PNMA6E: variants seen among roughly 807,000 people sequenced by gnomAD.
The protein encoded by PNMA6E is paraneoplastic antigen Ma6E.
For synonymous variants in PNMA6E, 43 were observed against 17.1 expected, an observed-to-expected ratio of 2.52 and a Z score of -3.74; for missense variants, 78 against 50.8, an observed-to-expected ratio of 1.53 and a Z score of -1.63.
chrX:153,401,153 C>G (rs1274701249), intron 1 of PNMA6E, 91 bp downstream of exon 1: 7 of 107,577 alleles, frequency 6.5e-5, no homozygotes, highest in African/African-American at 1.0e-4. Context: ...CTGCCCCCCC[C>G]CCACACCCCG....
upstream of PNMA6E, among the ~76,000 whole-genome samples, chrX:153,404,739 TC>T (rs1423745570): frequency 8.9e-6 from 1 of 111,906 alleles, no homozygotes; most frequent in Non-Finnish European, 1.9e-5. Context: ...ACGGGGCTCC[TC>T]CACATGGTGC....
In PNMA6E at chrX:153,396,009, AG is replaced by A. The variant is rs1204504869; in HGVS notation, c.*896del. On this transcript the variant is annotated 3_prime_UTR_variant, in exon 2 of 2. Transcript: ENST00000445091. Reference sequence around the variant, plus strand: ...AAGAAACTGAGTCACAAGTAACAACAGGGGTGAAACGCCAAAGCATAGTTCT... The same window carrying A: ...AAGAAACTGAGTCACAAGTAACAACAGGGTGAAACGCCAAAGCATAGTTCT... 8.7e-6 allele frequency: 1 copy of A among 114,307 alleles called. No individual in the cohort carries two copies. Among genetic ancestry groups the A allele is most frequent in the African/African-American group, 3.2e-5 (1 of 30,985 alleles). 9.4% of individuals were successfully genotyped at this position (114,307 alleles called of 1,213,427 possible).
the PNMA6E span, among the ~76,000 whole-genome samples, chrX:153,413,369 C>T: frequency 9.4e-6 from 1 of 106,168 alleles, no homozygotes; most frequent in South Asian, 4.3e-4. Flanking sequence ...GCCCTGCTCT[C>T]ATCCCCTTCC....
chrX:153,412,864 C>T, the PNMA6E span, among the ~76,000 whole-genome samples: 29 of 112,224 alleles, frequency 2.6e-4, no homozygotes, highest in Non-Finnish European at 5.1e-4. Flanking sequence ...GATCCCTCAG[C>T]GAGCAGCCTG....
At chrX:153,405,150 G>A (rs1208144719), upstream of PNMA6E, among the ~76,000 whole-genome samples, 1 of 112,373 alleles carries the variant, frequency 8.9e-6, no homozygotes, top group Non-Finnish European at 1.9e-5. Context: ...CGCCTTGTGA[G>A]TGACCCTAAG....
At chrX:153,408,273 G>A in the PNMA6E span, among the ~76,000 whole-genome samples, 1 of 112,753 alleles carries the variant, frequency 8.9e-6, no homozygotes, top group Admixed American at 9.3e-5. Context: ...CACTCAGGCA[G>A]TGGACGGCCA....
intron 1 of PNMA6E, 119 bp from the exon 2 acceptor site, chrX:153,399,039 C>T (rs782351127): frequency 1.0e-5 from 3 of 286,711 alleles, no homozygotes; most frequent in Non-Finnish European, 1.8e-5. Context: ...CTTGTTTTGT[C>T]GCTTTGATTT....
the PNMA6E span, among the ~76,000 whole-genome samples, chrX:153,413,939 T>G: frequency 4.4e-5 from 5 of 112,400 alleles, no homozygotes; most frequent in Non-Finnish European, 7.5e-5. Context: ...AGTGCGGGTC[T>G]CCGTCTCTGG....
rs782134101 is a variant in PNMA6E at position 153,397,185 on chromosome X, G to A, written c.1665C>T (p.Ala555=). 102 of 297,054 alleles carry A rather than the reference G, an allele frequency of 3.4e-4. No individual in the cohort carries two copies. In the South Asian group the frequency reaches 9.6e-3, roughly 28 times the overall value. 24.5% of individuals were successfully genotyped at this position (297,054 alleles called of 1,213,427 possible). The change falls in exon 2 of 2, where the codon GCC becomes GCT. Residue 555 remains alanine, a synonymous_variant. Transcript: ENST00000445091. ...ATKEAARGAP[A]AGEGESAPAG... ...CAGGGGCACTTTCACCTTCCCCAGC[G>A]GCAGGGGCTCCCCTTGCAGCCTCTT...
upstream of PNMA6E, among the ~76,000 whole-genome samples, chrX:153,403,077 C>T (rs782587272): frequency 1.8e-5 from 2 of 112,377 alleles, no homozygotes; most frequent in Non-Finnish European, 3.8e-5. Context: ...TTATGTCTAT[C>T]TCCAAATTTT....
At chrX:153,399,610 A>C (rs1556970953) in intron 1 of PNMA6E, among the ~76,000 whole-genome samples, 1 of 111,585 alleles carries the variant, frequency 9.0e-6, no homozygotes, top group Non-Finnish European at 1.9e-5. Context: ...AGCCTCTCAA[A>C]GTGCTGGGAT....
upstream of PNMA6E, among the ~76,000 whole-genome samples, chrX:153,403,030 C>G (rs1322779471): frequency 8.9e-6 from 1 of 112,467 alleles, no homozygotes; most frequent in Non-Finnish European, 1.9e-5. Context: ...TTGTATTTAT[C>G]TTCCTTGGAA....
the PNMA6E span, among the ~76,000 whole-genome samples, chrX:153,410,589 T>A: frequency 1.8e-5 from 2 of 112,573 alleles, no homozygotes; most frequent in African/African-American, 6.4e-5. Flanking sequence ...CCTTCCCCTA[T>A]GCCCCAGATG....
chrX:153,399,313 G>C (rs912345574), intron 1 of PNMA6E, among the ~76,000 whole-genome samples: 10 of 63,132 alleles, frequency 1.6e-4, no homozygotes, highest in Non-Finnish European at 2.3e-4. Flanking sequence ...TGTGTGTTGT[G>C]TGTGTGTGTG....
At chrX:153,400,245 C>T (rs1276344612) in intron 1 of PNMA6E, among the ~76,000 whole-genome samples, 6 of 112,477 alleles carry the variant, frequency 5.3e-5, no homozygotes, top group African/African-American at 1.6e-4. Context: ...CCAATTCCAC[C>T]TGTAGGGGGC....
chrX:153,407,913 G>A, the PNMA6E span, among the ~76,000 whole-genome samples: 1 of 112,865 alleles, frequency 8.9e-6, no homozygotes, highest in Non-Finnish European at 1.9e-5. Flanking sequence ...GAACAAGGAA[G>A]CACGTGATCC....
At position 153,396,009 on chromosome X, in the gene PNMA6E, A is replaced by AG; in HGVS notation, c.*896dup. ...AAGAAACTGAGTCACAAGTAACAAC[A>AG]GGGGTGAAACGCCAAAGCATAGTTC... On this transcript the variant is annotated 3_prime_UTR_variant, in exon 2 of 2. Coordinates refer to ENST00000445091, the MANE Select transcript of PNMA6E (RefSeq NM_001367770.1). The AG allele has an allele frequency of 8.7e-6, 1 of 114,359 alleles. No individual in the cohort carries two copies. Among genetic ancestry groups the AG allele is most frequent in the East Asian group, 2.8e-4 (1 of 3,583 alleles). The allele number at this position is 114,359 out of a possible 1,213,427, so 9.4% of individuals were successfully genotyped here. A position where few individuals can be genotyped will look rare whatever the true frequency, so the allele number is the denominator to read the frequency against.
rs187347860 is a variant in PNMA6E at position 153,396,534 on chromosome X, G to C, written c.*372C>G. ...CCAGGCAGCTGGCAACCTTGAGAGG[G>C]CCTCTTTCCCCCTGTCTCTCCCAAC... On this transcript the variant is annotated 3_prime_UTR_variant, in exon 2 of 2. Coordinates refer to ENST00000445091, the MANE Select transcript of PNMA6E (RefSeq NM_001367770.1). 2,091 of 118,409 alleles carry C rather than the reference G, an allele frequency of 0.018. 15 individuals are homozygous for C. The highest frequency in any genetic ancestry group is 0.028 in the Middle Eastern group (7 of 246). The allele number at this position is 118,409 out of a possible 1,213,427, so 9.8% of individuals were successfully genotyped here.
the PNMA6E span, among the ~76,000 whole-genome samples, chrX:153,408,930 C>T: frequency 8.9e-6 from 1 of 112,527 alleles, no homozygotes; most frequent in African/African-American, 3.2e-5. Context: ...CCCCCTTTGG[C>T]CTGGCCTTCC....
Sources: allele counts gnomAD v4.1 joint callset (sites outside exome capture counted in the v4.1 genomes callset), GRCh38; gene constraint gnomAD v4.1.1; transcripts MANE v1.5; gene names NCBI Gene and HGNC (gene_info 2026-07-23, HGNC 2026-07-21).